The following ARHGAP22 variants were observed in gnomAD, a reference collection of about 807,000 sequenced individuals.
The protein encoded by ARHGAP22 is Rho GTPase activating protein 22.
In ARHGAP22, 48 loss-of-function variants were observed where a neutral mutation model predicts 59.1. That is an observed-to-expected ratio of 0.81 (90% CI 0.64 to 1.03). The LOEUF is 1.03. ARHGAP22 is among the 50% of genes least tolerant of loss of function. ARHGAP22 has a pLI of 0.00. For missense variants in ARHGAP22, 1,015 were observed against 958.7 expected (o/e 1.06, Z -0.78); for synonymous variants, 445 against 416.4 (o/e 1.07, Z -0.84).
intron 1 of ARHGAP22, among the ~76,000 whole-genome samples, chr10:48,604,098 C>A (rs2060539742): frequency 6.6e-6 from 1 of 152,230 alleles, no homozygotes; most frequent in South Asian, 2.1e-4. Flanking sequence ...GTCTCTAGCC[C>A]CATACAGTGG....
intron 3 of ARHGAP22, among the ~76,000 whole-genome samples, chr10:48,536,809 T>TTACATTACAAA (rs2055402615): frequency 1.3e-5 from 2 of 152,210 alleles, no homozygotes; most frequent in Non-Finnish European, 2.9e-5. Flanking sequence ...ATGTAATGTC[T>TTACATTACAAA]ATTTCTTGTC....
chr10:48,590,438 AG>A (rs1442364724), intron 1 of ARHGAP22, among the ~76,000 whole-genome samples: 1 of 152,050 alleles, frequency 6.6e-6, no homozygotes, highest in Non-Finnish European at 1.5e-5. Context: ...GGGGGCAAGG[AG>A]GTGCCCTGTA....
At chr10:48,558,144 C>T (rs2057427570) in intron 2 of ARHGAP22, among the ~76,000 whole-genome samples, 1 of 152,118 alleles carries the variant, frequency 6.6e-6, no homozygotes, top group African/African-American at 2.4e-5. Flanking sequence ...TTTATGACAT[C>T]ATTGCATGTG....
intron 2 of ARHGAP22, 187 bp downstream of exon 2, chr10:48,582,766 C>G: frequency 1.6e-6 from 1 of 637,224 alleles, no homozygotes; most frequent in Admixed American, 3.1e-5. Context: ...TGGACATGTT[C>G]CAGTAAAACA....
At chr10:48,520,151 C>G (rs577263837) in intron 3 of ARHGAP22, among the ~76,000 whole-genome samples, 204 of 152,218 alleles carry the variant, frequency 1.3e-3, no homozygotes, top group African/African-American at 4.8e-3. Context: ...GCACTGGAGT[C>G]TAATGAGGGG....
intron 1 of ARHGAP22, among the ~76,000 whole-genome samples, chr10:48,591,381 C>T (rs1384850950): frequency 2.6e-5 from 4 of 152,144 alleles, no homozygotes; most frequent in South Asian, 2.1e-4. Flanking sequence ...AACCATTTCA[C>T]GCCATTTTCT....
intron 3 of ARHGAP22, among the ~76,000 whole-genome samples, chr10:48,545,414 A>G (rs1438602378): frequency 6.6e-6 from 1 of 152,226 alleles, no homozygotes; most frequent in African/African-American, 2.4e-5. Flanking sequence ...CAAAGCCAGG[A>G]AGTGTAAGAG....
At chr10:48,533,921 A>C (rs1046733977) in intron 3 of ARHGAP22, among the ~76,000 whole-genome samples, 3 of 152,264 alleles carry the variant, frequency 2.0e-5, no homozygotes, top group Admixed American at 6.5e-5. Context: ...CTTCCAGGTG[A>C]CAGATTGTGG....
At chr10:48,431,317 G>A in the ARHGAP22 span, 2 of 1,305,824 alleles carry the variant, frequency 1.5e-6, no homozygotes, top group Non-Finnish European at 2.2e-6. Flanking sequence ...TACTTCTTGT[G>A]TTGTAATCTT....
chr10:48,475,218 T>G (rs2048599676), intron 4 of ARHGAP22, among the ~76,000 whole-genome samples: 1 of 152,240 alleles, frequency 6.6e-6, no homozygotes, highest in Non-Finnish European at 1.5e-5. Flanking sequence ...AGTTGATCAC[T>G]GCCCTTGTTC....
chr10:48,448,268 C>T (rs1429035381), intron 9 of ARHGAP22, among the ~76,000 whole-genome samples: 1 of 152,212 alleles, frequency 6.6e-6, no homozygotes, highest in Non-Finnish European at 1.5e-5. Flanking sequence ...GTCTCCTTCC[C>T]AGGGCCCTCC....
intron 1 of ARHGAP22, among the ~76,000 whole-genome samples, chr10:48,640,132 G>A (rs1435102194): frequency 6.6e-6 from 1 of 152,114 alleles, no homozygotes; most frequent in Non-Finnish European, 1.5e-5. Context: ...TAAAGAACAG[G>A]TGAATGTAAA....
chr10:48,524,531 C>T (rs1414645406), intron 3 of ARHGAP22, among the ~76,000 whole-genome samples: 1 of 152,076 alleles, frequency 6.6e-6, no homozygotes, highest in Non-Finnish European at 1.5e-5. Flanking sequence ...TGGGGGGCCA[C>T]ACCGGCCTGG....
intron 3 of ARHGAP22, among the ~76,000 whole-genome samples, chr10:48,499,116 A>G (rs935112073): frequency 1.3e-5 from 2 of 152,228 alleles, no homozygotes; most frequent in African/African-American, 4.8e-5. Context: ...GGGGGAGGCC[A>G]TGTCCTCATT....
chr10:48,489,229 T>C (rs2134192256), intron 3 of ARHGAP22, among the ~76,000 whole-genome samples: 1 of 152,292 alleles, frequency 6.6e-6, no homozygotes, highest in East Asian at 1.9e-4. Flanking sequence ...TGCAAGGTGC[T>C]TAATAGGCCC....
At chr10:48,556,359 C>T (rs922866094) in intron 2 of ARHGAP22, among the ~76,000 whole-genome samples, 11 of 152,124 alleles carry the variant, frequency 7.2e-5, no homozygotes, top group African/African-American at 2.2e-4. Context: ...GTGTTATAAC[C>T]GCTGTGATTG....
intron 3 of ARHGAP22, among the ~76,000 whole-genome samples, chr10:48,481,941 T>A (rs2049365110): frequency 6.6e-6 from 1 of 152,238 alleles, no homozygotes; most frequent in African/African-American, 2.4e-5. Flanking sequence ...CTTTTGCCTA[T>A]TTTTAAAATA....
At chr10:48,470,185 A>T (rs1258986074) in intron 4 of ARHGAP22, among the ~76,000 whole-genome samples, 1 of 152,200 alleles carries the variant, frequency 6.6e-6, no homozygotes, top group Non-Finnish European at 1.5e-5. Context: ...GGCCAAGCTG[A>T]TGGGCATTTC....
At chr10:48,438,720 C>G in the ARHGAP22 span, 16 of 152,206 alleles carry the variant, frequency 1.1e-4, no homozygotes, top group Admixed American at 8.5e-4. Context: ...TAAATACTTT[C>G]TAGCCAATGT....
Sources: gnomAD v4.1 joint callset for allele counts (sites outside exome capture counted in the v4.1 genomes callset) on GRCh38, gnomAD v4.1.1 for gene constraint, MANE v1.5 for transcripts, NCBI Gene and HGNC (gene_info 2026-07-23, HGNC 2026-07-21) for gene names.